The following ZNF469 variants were observed in gnomAD, a reference collection of about 807,000 sequenced individuals.
The protein encoded by ZNF469 is zinc finger protein 469.
Under a neutral mutation model 1.0 loss-of-function variants are expected in ZNF469, and 1 was observed. The ratio of observed to expected loss-of-function variants is 1.00; its 90% CI spans 0.35 to 4.73. The LOEUF is 4.73. Ranked by LOEUF, ZNF469 falls within the 30% of genes most tolerant of loss-of-function variation. The pLI, the probability that ZNF469 is intolerant of heterozygous loss-of-function variation, is 0.16. For synonymous variants in ZNF469, 2,703 were observed against 2,363.4 expected, an observed-to-expected ratio of 1.14 and a Z score of -4.17; for missense variants, 6,100 against 5,356.3, an observed-to-expected ratio of 1.14 and a Z score of -4.33.
the ZNF469 span, among the ~76,000 whole-genome samples, chr16:88,331,522 CACT>C: frequency 6.6e-6 from 1 of 151,296 alleles, no homozygotes; most frequent in Non-Finnish European, 1.5e-5. Flanking sequence ...TCATCCTCAT[CACT>C]ACCATCACTA....
chr16:88,376,644 G>A, the ZNF469 span, among the ~76,000 whole-genome samples: 1 of 152,274 alleles, frequency 6.6e-6, no homozygotes, highest in Non-Finnish European at 1.5e-5. Context: ...AGGGCTGAGT[G>A]AGGGATGCTC....
At chr16:88,103,004 G>A in the ZNF469 span, among the ~76,000 whole-genome samples, 3 of 152,278 alleles carry the variant, frequency 2.0e-5, no homozygotes, top group African/African-American at 7.2e-5. Flanking sequence ...GACGTGGATA[G>A]TTTTGTTCTC....
Position 88,429,152 on chromosome 16 carries a change from T to G in ZNF469, c.1682T>G (p.Leu561Arg), listed in dbSNP as rs1905930844. ...NGMTDPGAQPLFFGVAQPQVS... is the reference protein window; with the variant it reads ...NGMTDPGAQPRFFGVAQPQVS... The stretch of plus-strand genomic sequence containing the variant: ...ATGACAGACCCTGGGGCTCAGCCCC[T>G]GTTCTTCGGGGTGGCCCAGCCCCAG... Residue 561 changes from leucine to arginine, a missense_variant, in exon 3 of 3, where the codon CTG (leucine) becomes CGG (arginine). Leu to Arg is a moderately radical substitution (Grantham distance 102, BLOSUM62 -2). Transcript: ENST00000565624. 1.3e-6 allele frequency: 2 copies of G among 1,549,832 alleles called. No homozygotes were observed. The highest frequency in any genetic ancestry group is 1.7e-6 in the Non-Finnish European group (2 of 1,146,834).
At chr16:88,422,008 G>A (rs534776223) in intron 1 of ZNF469, among the ~76,000 whole-genome samples, 2 of 151,798 alleles carry the variant, frequency 1.3e-5, no homozygotes, top group South Asian at 2.1e-4. Context: ...GGGATGGGCA[G>A]GTGGGTAGAT....
chr16:88,247,535 A>G, the ZNF469 span, among the ~76,000 whole-genome samples: 3 of 151,880 alleles, frequency 2.0e-5, no homozygotes, highest in East Asian at 5.8e-4. Context: ...TGAGTGAGTG[A>G]GTGAATGAGT....
chr16:88,225,601 A>G, the ZNF469 span, among the ~76,000 whole-genome samples: 1 of 152,028 alleles, frequency 6.6e-6, no homozygotes, highest in East Asian at 1.9e-4. Context: ...GTGGCCCCCA[A>G]ATGTGTGTGT....
chr16:88,206,080 C>G, the ZNF469 span, among the ~76,000 whole-genome samples: 1 of 152,192 alleles, frequency 6.6e-6, no homozygotes, highest in Non-Finnish European at 1.5e-5. Flanking sequence ...GAGGGGGGAG[C>G]TGTGCTGACC....
chr16:88,183,874 G>A, the ZNF469 span, among the ~76,000 whole-genome samples: 1 of 152,166 alleles, frequency 6.6e-6, no homozygotes, highest in African/African-American at 2.4e-5. Context: ...GTGGGACAGG[G>A]AAGCGTCCCT....
In ZNF469 at chr16:88,438,654, C is replaced by T. The variant is rs1041924878; in HGVS notation, c.11184C>T (p.Pro3728=). Residue 3728 remains proline, a synonymous_variant, in exon 3 of 3, where the codon CCC becomes CCT. Coordinates refer to ENST00000565624, the MANE Select transcript of ZNF469 (RefSeq NM_001367624.2). ...GMKPATPKAK[P]GPSSQGSGSP... The stretch of plus-strand genomic sequence containing the variant: ...AGCCCGCCACCCCCAAAGCCAAACC[C>T]GGCCCCAGCTCCCAGGGCAGTGGAA... 17 of 1,549,960 alleles carry T rather than the reference C, an allele frequency of 1.1e-5. No individual in the cohort carries two copies. The highest frequency in any genetic ancestry group is 5.5e-5 in the African/African-American group (4 of 73,030).
At chr16:88,131,640 C>G in the ZNF469 span, among the ~76,000 whole-genome samples, 7 of 152,218 alleles carry the variant, frequency 4.6e-5, no homozygotes, top group African/African-American at 1.7e-4. Flanking sequence ...TCCTGTGAGG[C>G]GAGGCAGGCT....
chr16:88,208,799 A>ACTCT, the ZNF469 span, among the ~76,000 whole-genome samples: 1 of 23,752 alleles, frequency 4.2e-5, no homozygotes, highest in African/African-American at 7.8e-5. Context: ...ACACACACAC[A>ACTCT]CACACTCTCT....
the ZNF469 span, among the ~76,000 whole-genome samples, chr16:88,148,721 T>G: frequency 4.6e-5 from 7 of 152,160 alleles, no homozygotes; most frequent in African/African-American, 1.7e-4. Flanking sequence ...GCCACCACCC[T>G]GCCTTGGTGG....
the ZNF469 span, among the ~76,000 whole-genome samples, chr16:88,142,316 C>G: frequency 6.6e-6 from 1 of 152,238 alleles, no homozygotes; most frequent in African/African-American, 2.4e-5. Flanking sequence ...TTTGCTAGGT[C>G]AGGCGAAGGC....
the ZNF469 span, among the ~76,000 whole-genome samples, chr16:88,161,996 A>G: frequency 6.6e-6 from 1 of 152,374 alleles, no homozygotes; most frequent in Non-Finnish European, 1.5e-5. Context: ...ATTGGAAAGA[A>G]TCACAAATAG....
In ZNF469 at chr16:88,429,382, C is replaced by A; in HGVS notation, c.1912C>A (p.Pro638Thr). Reference sequence around the variant, plus strand: ...CGGGCCCTCGGCCTTCTTCCACCCACCCACTCACCCCCAGGAGACGGGCAG... The same window carrying A: ...CGGGCCCTCGGCCTTCTTCCACCCAACCACTCACCCCCAGGAGACGGGCAG... ...PLGPSAFFHP[P>T]THPQETGSPF... is the part of the protein sequence containing the mutation. Residue 638 changes from proline to threonine, a missense_variant, in exon 3 of 3, where the codon CCC becomes ACC. Transcript: ENST00000565624. 6.5e-7 allele frequency: 1 copy of A among 1,549,550 alleles called. No homozygotes were observed. The highest frequency in any genetic ancestry group is 8.7e-7 in the Non-Finnish European group (1 of 1,146,538).
chr16:88,333,863 A>AGAGTGTGT, the ZNF469 span, among the ~76,000 whole-genome samples: 1 of 140,912 alleles, frequency 7.1e-6, no homozygotes, highest in Non-Finnish European at 1.6e-5. Flanking sequence ...GGGCAGTTGC[A>AGAGTGTGT]GTGTGTGTGT....
intron 1 of ZNF469, among the ~76,000 whole-genome samples, chr16:88,385,630 G>A (rs1482452345): frequency 1.4e-5 from 2 of 138,334 alleles, no homozygotes; most frequent in Non-Finnish European, 3.1e-5. Context: ...GTGATAGAGT[G>A]AGACTCTGTC....
At chr16:88,135,905 C>A in the ZNF469 span, among the ~76,000 whole-genome samples, 1 of 151,832 alleles carries the variant, frequency 6.6e-6, no homozygotes, top group African/African-American at 2.4e-5. Context: ...GCACTACAGG[C>A]GCCGGCCAAC....
chr16:88,182,887 A>T, the ZNF469 span, among the ~76,000 whole-genome samples: 23 of 152,322 alleles, frequency 1.5e-4, no homozygotes, highest in South Asian at 4.6e-3. Flanking sequence ...AAAAACTGAC[A>T]AACTGAACTT....
Sources: gnomAD v4.1 joint callset for allele counts (sites outside exome capture counted in the v4.1 genomes callset) on GRCh38, gnomAD v4.1.1 for gene constraint, MANE v1.5 for transcripts, NCBI Gene and HGNC (gene_info 2026-07-23, HGNC 2026-07-21) for gene names.